FRMPD2: variants seen among roughly 807,000 people sequenced by gnomAD.
FRMPD2 encodes FERM and PDZ domain-containing protein 2.
Under a neutral mutation model 140.1 loss-of-function variants are expected in FRMPD2, and 96 were observed. The observed-to-expected ratio is 0.69, with a 90% CI of 0.58 to 0.81. The LOEUF (loss-of-function observed/expected upper bound fraction) is 0.81. Among genes scored for constraint, FRMPD2 ranks in the 40% least tolerant of loss-of-function variants. The pLI, the probability that FRMPD2 is intolerant of heterozygous loss-of-function variation, is 0.00. For synonymous variants in FRMPD2, 449 were observed against 547.6 expected (o/e 0.82, Z 2.52); for missense variants, 1,240 against 1,447.4 (o/e 0.86, Z 2.32).
chr10:48,188,109 G>A (rs1055520924), intron 16 of FRMPD2, among the ~76,000 whole-genome samples: 1 of 152,196 alleles, frequency 6.6e-6, no homozygotes. Flanking sequence ...CTCCTGGACA[G>A]CCAAACATCT....
chr10:48,241,600 C>T (rs1759570500), intron 5 of FRMPD2, among the ~76,000 whole-genome samples: 1 of 152,248 alleles, frequency 6.6e-6, no homozygotes, highest in Non-Finnish European at 1.5e-5. Context: ...GAATCCCTGT[C>T]TCTGGGTTAG....
chr10:48,207,207 A>G (rs1296037480), intron 13 of FRMPD2, among the ~76,000 whole-genome samples: 3 of 151,736 alleles, frequency 2.0e-5, no homozygotes, highest in African/African-American at 7.3e-5. Context: ...TACTTAGAAT[A>G]CAGTTATTAT....
intron 12 of FRMPD2, among the ~76,000 whole-genome samples, chr10:48,220,007 ATAT>A (rs1839544767): frequency 1.3e-5 from 2 of 152,326 alleles, no homozygotes; most frequent in South Asian, 4.1e-4. Context: ...CAACTCTATG[ATAT>A]TATCACACCA....
At chr10:48,221,202 A>C (rs2131900732) in intron 12 of FRMPD2, among the ~76,000 whole-genome samples, 1 of 152,350 alleles carries the variant, frequency 6.6e-6, no homozygotes, top group South Asian at 2.1e-4. Flanking sequence ...ATACCCATCA[A>C]TCAATGAGTG....
At chr10:48,185,412 C>T (rs1564418297) in intron 18 of FRMPD2, 141 bp downstream of exon 18, 2 of 632,244 alleles carry the variant, frequency 3.2e-6, no homozygotes, top group East Asian at 2.7e-5. Context: ...AGAAAAAAAA[C>T]AGAAGTGATT....
intron 28 of FRMPD2, among the ~76,000 whole-genome samples, chr10:48,158,679 C>G (rs1465564711): frequency 6.7e-6 from 1 of 149,098 alleles, no homozygotes. Flanking sequence ...TCTCTGCCCA[C>G]CAAGCTGTCC....
At chr10:48,189,989 T>C (rs1838790974) in intron 16 of FRMPD2, among the ~76,000 whole-genome samples, 1 of 152,124 alleles carries the variant, frequency 6.6e-6, no homozygotes, top group African/African-American at 2.4e-5. Context: ...GCCTGGGGTG[T>C]TGAATAACTT....
intron 9 of FRMPD2, 53 bp downstream of exon 9, chr10:48,236,429 T>G (rs1839968809): frequency 6.6e-7 from 1 of 1,526,426 alleles, no homozygotes; most frequent in East Asian, 2.2e-5. Flanking sequence ...CTCCCGCAAC[T>G]GCCCACTTCC....
At chr10:48,238,345 T>C (rs1840019067) in intron 7 of FRMPD2, among the ~76,000 whole-genome samples, 1 of 152,008 alleles carries the variant, frequency 6.6e-6, no homozygotes, top group Non-Finnish European at 1.5e-5. Context: ...GGGTTGGAGG[T>C]ACAAGGCACA....
At chr10:48,189,382 G>A (rs1340286390) in intron 16 of FRMPD2, among the ~76,000 whole-genome samples, 3 of 152,206 alleles carry the variant, frequency 2.0e-5, no homozygotes, top group Non-Finnish European at 4.4e-5. Context: ...CTCAGGAGTG[G>A]GAGGGCAGGC....
intron 12 of FRMPD2, among the ~76,000 whole-genome samples, chr10:48,221,479 C>A (rs778060096): frequency 6.6e-6 from 1 of 152,128 alleles, no homozygotes; most frequent in Non-Finnish European, 1.5e-5. Flanking sequence ...ATGTTGGGTG[C>A]AGTGTACACT....
intron 4 of FRMPD2, among the ~76,000 whole-genome samples, chr10:48,243,287 T>G (rs1344569771): frequency 1.3e-5 from 2 of 152,082 alleles, no homozygotes; most frequent in African/African-American, 4.8e-5. Flanking sequence ...ATGGCACTAA[T>G]GTAGAGGAAG....
At chr10:48,263,616 G>A (rs1266326885) in intron 1 of FRMPD2, among the ~76,000 whole-genome samples, 3 of 152,094 alleles carry the variant, frequency 2.0e-5, no homozygotes, top group South Asian at 4.1e-4. Flanking sequence ...GATCATCTAA[G>A]TATGCCTATA....
At chr10:48,274,452 T>C in intron 1 of FRMPD2, 91 bp downstream of exon 1, 1 of 1,140,300 alleles carries the variant, frequency 8.8e-7, no homozygotes, top group East Asian at 2.3e-5. Context: ...CCAGCTGTGT[T>C]CTTCTTATTC....
intron 15 of FRMPD2, among the ~76,000 whole-genome samples, chr10:48,196,410 A>T (rs180855080): frequency 6.6e-6 from 1 of 152,366 alleles, no homozygotes; most frequent in Non-Finnish European, 1.5e-5. Flanking sequence ...GAGTACCAGC[A>T]GCAAGTCCAT....
In FRMPD2 at chr10:48,274,627, C is replaced by T. The variant is rs923865956; in HGVS notation, c.-60G>A. 22 of 1,545,536 alleles carry T rather than the reference C, an allele frequency of 1.4e-5. No homozygotes were observed. Among genetic ancestry groups the T allele is most frequent in the Non-Finnish European group, 2.0e-5 (22 of 1,120,116 alleles). ...CATGGGACAACTTTCCAACAAGGAGCAGGGGTCTCTTGCAAGTCTGTCCGC... is the reference window on the plus strand; with the variant it reads ...CATGGGACAACTTTCCAACAAGGAGTAGGGGTCTCTTGCAAGTCTGTCCGC... On this transcript the variant is annotated 5_prime_UTR_variant, in exon 1 of 29. Coordinates refer to ENST00000374201, the MANE Select transcript of FRMPD2 (RefSeq NM_001018071.4).
chr10:48,191,739 A>G (rs1453664583), intron 16 of FRMPD2, among the ~76,000 whole-genome samples: 3 of 152,212 alleles, frequency 2.0e-5, no homozygotes, highest in Admixed American at 1.3e-4. Context: ...AATCTGTGCT[A>G]TTTCTATAAA....
intron 1 of FRMPD2, among the ~76,000 whole-genome samples, chr10:48,255,304 G>C (rs1439863105): frequency 1.3e-5 from 2 of 152,194 alleles, no homozygotes; most frequent in African/African-American, 2.4e-5. Flanking sequence ...CTGTTTGCCA[G>C]GACTTGCTTT....
chr10:48,163,702 T>G (rs1235620731), intron 27 of FRMPD2, 31 bp from the exon 28 acceptor site: 5 of 1,491,636 alleles, frequency 3.4e-6, no homozygotes, highest in Admixed American at 3.3e-5. Flanking sequence ...GATTACTGGC[T>G]GCGGGATGCA....
Sources: allele counts gnomAD v4.1 joint callset (sites outside exome capture counted in the v4.1 genomes callset), GRCh38; gene constraint gnomAD v4.1.1; transcripts MANE v1.5; gene names NCBI Gene and HGNC (gene_info 2026-07-23, HGNC 2026-07-21).